The following GOT2 variants were observed in gnomAD, a reference collection of about 807,000 sequenced individuals.
GOT2 encodes the protein glutamic-oxaloacetic transaminase 2, also known as aspartate aminotransferase, mitochondrial.
Under a neutral mutation model 50.0 loss-of-function variants are expected in GOT2, and 17 were observed. That is an observed-to-expected ratio of 0.34 (90% CI 0.23 to 0.51). GOT2 has a LOEUF of 0.51. GOT2 is among the 20% of genes least tolerant of loss of function. The pLI, the probability that GOT2 is intolerant of heterozygous loss-of-function variation, is 0.97. For synonymous variants in GOT2, 172 were observed against 204.9 expected (o/e 0.84, Z 1.37); for missense variants, 430 against 559.6 (o/e 0.77, Z 2.34).
At chr16:58,714,836 T>C (rs2044679192) in intron 8 of GOT2, among the ~76,000 whole-genome samples, 1 of 152,184 alleles carries the variant, frequency 6.6e-6, no homozygotes, top group Non-Finnish European at 1.5e-5. Context: ...GGTCATGATG[T>C]AAAATATATA....
At chr16:58,713,872 C>T (rs2044669112) in intron 8 of GOT2, among the ~76,000 whole-genome samples, 1 of 152,108 alleles carries the variant, frequency 6.6e-6, no homozygotes. Context: ...CTCACTCGGC[C>T]ATGGCAGCAA....
chr16:58,707,883 T>A lies in GOT2; in HGVS notation c.*288A>T, dbSNP rs190556031. ...TATTGCAATGGCATAATTGACAGGT[T>A]TTTTGGTGCGATGACTTTCTTGCAC... On this transcript the variant is annotated 3_prime_UTR_variant, in exon 10 of 10. Transcript: ENST00000245206. 71 of 235,398 alleles carry A rather than the reference T, an allele frequency of 3.0e-4. 1 individual carries two copies. In the East Asian group the frequency reaches 6.5e-3, roughly 22 times the overall value. 14.6% of individuals were successfully genotyped at this position (235,398 alleles called of 1,614,324 possible).
At position 58,716,104 on chromosome 16, in the gene GOT2, A is replaced by T. The variant is rs766372333; in HGVS notation, c.929T>A (p.Ile310Asn). ...EAKRVESQLK[I>N]LIRPMYSNPP... ...GTTGGAATACATGGGACGGATCAAG[A>T]TCTTCAACTGTGACTCTACCCTTTT... Residue 310 changes from isoleucine (I) to asparagine (N), a missense_variant, in exon 8 of 10, where the codon ATC (isoleucine) becomes AAC (asparagine). Ile to Asn is a moderately radical substitution (Grantham distance 149). Transcript: ENST00000245206. 6.2e-7 allele frequency: 1 copy of T among 1,613,940 alleles called. No homozygotes were observed. The highest frequency in any genetic ancestry group is 8.5e-7 in the Non-Finnish European group (1 of 1,179,878).
Position 58,718,512 on chromosome 16 carries a change from G to A in GOT2, c.597+15C>T, listed in dbSNP as rs1349270234. The A allele has an allele frequency of 6.4e-7, 1 of 1,561,590 alleles. No individual in the cohort carries two copies. Among genetic ancestry groups the A allele is most frequent in the Non-Finnish European group, 8.7e-7 (1 of 1,154,934 alleles). ...GAGTTTTATTCACCTCTCTCACCCT[G>A]AAAGCCACACTTACTGAAATATCCT... is the stretch of plus-strand genomic sequence containing the variant. On this transcript the variant is annotated intron_variant, in intron 5 of 9. Transcript: ENST00000245206.
chr16:58,708,521 C>G (rs1452148303), intron 9 of GOT2, among the ~76,000 whole-genome samples: 1 of 151,838 alleles, frequency 6.6e-6, no homozygotes, highest in Non-Finnish European at 1.5e-5. Flanking sequence ...AGGAGAATAG[C>G]TGGAACCTGG....
rs373226099 is a variant in GOT2 at position 58,723,426 on chromosome 16, C to T, written c.246+320G>A. On this transcript the variant is annotated intron_variant, in intron 2 of 9. Coordinates refer to ENST00000245206, the MANE Select transcript of GOT2 (RefSeq NM_002080.4). ...AGCTATTCCTCTCAACAAGAGACAG[C>T]GCTTAAAGTCTTGGTCCTCTTATGC... 2.1e-3 allele frequency among the ~76,000 whole-genome samples: 324 copies of T among 152,204 alleles called. 1 individual carries two copies. The highest frequency in any genetic ancestry group is 3.7e-3 in the Non-Finnish European group (254 of 68,010).
chr16:58,715,910 G>T, intron 8 of GOT2, 104 bp downstream of exon 8: 1 of 869,594 alleles, frequency 1.1e-6, no homozygotes, highest in Non-Finnish European at 1.7e-6. Flanking sequence ...TCCACATATG[G>T]AATCTATGGG....
In GOT2 at chr16:58,728,476, T is replaced by C. The variant is rs545564536; in HGVS notation, c.90-4574A>G. Reference sequence around the variant, plus strand: ...ATTATTATCACTCCACTTTTATTTGTAACCATCCTGCATCCTAGTACAGAG... The same window carrying C: ...ATTATTATCACTCCACTTTTATTTGCAACCATCCTGCATCCTAGTACAGAG... On this transcript the variant is annotated intron_variant, in intron 1 of 9. Coordinates refer to ENST00000245206, the MANE Select transcript of GOT2 (RefSeq NM_002080.4). Among the ~76,000 whole-genome samples, 22 of 152,336 alleles carry C rather than the reference T, an allele frequency of 1.4e-4. No homozygotes were observed. The East Asian group carries it at 4.0e-3, about 28-fold the overall frequency.
intron 1 of GOT2, among the ~76,000 whole-genome samples, chr16:58,730,201 G>C (rs2044823351): frequency 6.6e-6 from 1 of 152,128 alleles, no homozygotes; most frequent in Non-Finnish European, 1.5e-5. Flanking sequence ...AGGCATGGGA[G>C]GTTTTTTTAA....
chr16:58,733,067 T>G (rs2044848707), intron 1 of GOT2, among the ~76,000 whole-genome samples: 1 of 152,234 alleles, frequency 6.6e-6, no homozygotes, highest in African/African-American at 2.4e-5. Context: ...AAGGCCAAGC[T>G]ACGCTTTGCT....
chr16:58,734,300 C>G lies in GOT2; in HGVS notation c.-72G>C. On this transcript the variant is annotated 5_prime_UTR_variant, in exon 1 of 10. Coordinates refer to ENST00000245206, the MANE Select transcript of GOT2 (RefSeq NM_002080.4). ...GCGAGCGGACACACACACAGGGAACCGGCTCCTGCTGAAGGTAAGGACAGG... is the reference window on the plus strand; with the variant it reads ...GCGAGCGGACACACACACAGGGAACGGGCTCCTGCTGAAGGTAAGGACAGG... 1 of 820,090 alleles carries G rather than the reference C, an allele frequency of 1.2e-6. No individual in the cohort carries two copies. Among genetic ancestry groups the G allele is most frequent in the Non-Finnish European group, 1.7e-6 (1 of 602,168 alleles). 50.8% of individuals were successfully genotyped at this position (820,090 alleles called of 1,614,324 possible). A position where few individuals can be genotyped will look rare whatever the true frequency, so the allele number is the denominator to read the frequency against.
intron 1 of GOT2, among the ~76,000 whole-genome samples, chr16:58,733,093 C>G (rs1461893525): frequency 3.9e-5 from 6 of 152,164 alleles, no homozygotes; most frequent in Non-Finnish European, 5.9e-5. Flanking sequence ...CAGTTAATAC[C>G]TGCTTGGGGG....
Position 58,707,365 on chromosome 16 carries a change from T to A in GOT2, c.*806A>T, listed in dbSNP as rs1224529479. 6.6e-6 allele frequency: 1 copy of A among 152,116 alleles called. No individual in the cohort carries two copies. Among genetic ancestry groups the A allele is most frequent in the Non-Finnish European group, 1.5e-5 (1 of 68,030 alleles). The allele number at this position is 152,116 out of a possible 1,614,324, so 9.4% of individuals were successfully genotyped here. On this transcript the variant is annotated 3_prime_UTR_variant, in exon 10 of 10. Coordinates refer to ENST00000245206, the MANE Select transcript of GOT2 (RefSeq NM_002080.4). ...GAGGTCCAACCGGGCAGAGACAACATCCCAACTGGAGAAACTTGCACTATC... is the reference window on the plus strand; with the variant it reads ...GAGGTCCAACCGGGCAGAGACAACAACCCAACTGGAGAAACTTGCACTATC...
chr16:58,711,595 C>T (rs2044649145), intron 8 of GOT2, among the ~76,000 whole-genome samples: 1 of 152,170 alleles, frequency 6.6e-6, no homozygotes. Context: ...CCCAGTGAAA[C>T]GTTTTTAAAT....
In GOT2 at chr16:58,709,499, T is replaced by C. The variant is rs2044629262; in HGVS notation, c.1088A>G (p.Lys363Arg). The change falls in exon 9 of 10, where the codon AAG (lysine) becomes AGG (arginine). Residue 363 changes from lysine to arginine, a missense_variant. Transcript: ENST00000245206. ...GMRTQLVSNL[K>R]KEGSTHNWQH... ...CCAATTGTGGGTGGAACCCTCCTTC[T>C]TGAGGTTGGAGACCAGTTGAGTCCG... The C allele has an allele frequency of 1.2e-6, 2 of 1,613,912 alleles. No homozygotes were observed. The highest frequency in any genetic ancestry group is 4.5e-5 in the East Asian group (2 of 44,876).
intron 1 of GOT2, among the ~76,000 whole-genome samples, chr16:58,725,520 A>G (rs1032092607): frequency 5.9e-5 from 9 of 152,248 alleles, no homozygotes; most frequent in Non-Finnish European, 1.0e-4. Context: ...ATAATTTCTA[A>G]GATAGACTAC....
chr16:58,719,448 A>T (rs984309726), intron 3 of GOT2, among the ~76,000 whole-genome samples, 193 bp from the exon 4 acceptor site: 2 of 152,368 alleles, frequency 1.3e-5, no homozygotes, highest in South Asian at 4.1e-4. Context: ...GGGGTGAATT[A>T]TATAAAAGAT....
intron 9 of GOT2, among the ~76,000 whole-genome samples, chr16:58,708,849 T>TG (rs1555508590): frequency 6.8e-6 from 1 of 146,902 alleles, no homozygotes. Flanking sequence ...GGTAAACAAC[T>TG]AAAAAAAAAA....
At chr16:58,724,973 T>C (rs557894736) in intron 1 of GOT2, among the ~76,000 whole-genome samples, 1 of 152,372 alleles carries the variant, frequency 6.6e-6, no homozygotes, top group African/African-American at 2.4e-5. Context: ...GTGACAATTT[T>C]GGGAATGCTG....
Sources: allele counts gnomAD v4.1 joint callset (sites outside exome capture counted in the v4.1 genomes callset), GRCh38; gene constraint gnomAD v4.1.1; transcripts MANE v1.5; gene names NCBI Gene and HGNC (gene_info 2026-07-23, HGNC 2026-07-21).